The following CLPTM1L variants were observed in gnomAD, a reference collection of about 807,000 sequenced individuals.
CLPTM1L encodes the protein lipid scramblase CLPTM1L.
A neutral mutation model predicts 70.9 loss-of-function variants in CLPTM1L; 38 were observed. The ratio of observed to expected loss-of-function variants is 0.54; its 90% CI spans 0.41 to 0.70. CLPTM1L has a LOEUF of 0.70. Among genes scored for constraint, CLPTM1L ranks in the 30% least tolerant of loss-of-function variants. The pLI is 0.00. For synonymous variants in CLPTM1L, 339 were observed against 299.9 expected (o/e 1.13, Z -1.35); for missense variants, 652 against 705.9 (o/e 0.92, Z 0.87).
intron 15 of CLPTM1L, 23 bp from the exon 16 acceptor site, chr5:1,320,754 G>A (rs750100046): frequency 7.2e-7 from 1 of 1,394,268 alleles, no homozygotes; most frequent in Non-Finnish European, 9.8e-7. Context: ...ACGGGAGGAG[G>A]GTGAACCCCA....
chr5:1,335,363 T>C (rs1294068293), intron 5 of CLPTM1L, among the ~76,000 whole-genome samples, 189 bp from the exon 6 acceptor site: 1 of 152,172 alleles, frequency 6.6e-6, no homozygotes, highest in Non-Finnish European at 1.5e-5. Flanking sequence ...GCGTGCTGCG[T>C]TCCAGCACAG....
chr5:1,320,796 TA>T, intron 15 of CLPTM1L, 65 bp from the exon 16 acceptor site: 1 of 934,348 alleles, frequency 1.1e-6, no homozygotes, highest in South Asian at 1.6e-5. Flanking sequence ...CTGTTTTTGG[TA>T]ACCTAACCAA....
At chr5:1,319,288 G>A (rs1446308778) in intron 16 of CLPTM1L, among the ~76,000 whole-genome samples, 1 of 149,304 alleles carries the variant, frequency 6.7e-6, no homozygotes, top group Non-Finnish European at 1.5e-5. Context: ...TGTTGCTTAT[G>A]GTGAAATAGC....
intron 2 of CLPTM1L, 147 bp downstream of exon 2, chr5:1,344,204 C>T (rs995227241): frequency 3.0e-6 from 2 of 664,062 alleles, no homozygotes; most frequent in East Asian, 5.4e-5. Flanking sequence ...ACGCATAGGC[C>T]TCCAGTTAGG....
At chr5:1,343,449 T>A (rs1579660096) in intron 2 of CLPTM1L, among the ~76,000 whole-genome samples, 1 of 152,218 alleles carries the variant, frequency 6.6e-6, no homozygotes. Flanking sequence ...TCACTAGCTG[T>A]CCTTGGTAAC....
At chr5:1,330,707 T>C (rs1753032961) in intron 8 of CLPTM1L, 2 of 340,616 alleles carry the variant, frequency 5.9e-6, no homozygotes, top group African/African-American at 2.1e-5. Context: ...GCGTGTCTTA[T>C]GCCAGTTCTG....
In CLPTM1L at chr5:1,344,644, C is replaced by G. The variant is rs574258520; in HGVS notation, c.162+36G>C. ...GGGGCCTGGAGGAGAGGCCCCCACC[C>G]CAACCCGCCCGGCCCCCGGCCCCGC... On this transcript the variant is annotated intron_variant, in intron 1 of 16. Coordinates refer to ENST00000320895, the MANE Select transcript of CLPTM1L (RefSeq NM_030782.5). 7 of 1,541,528 alleles carry G rather than the reference C, an allele frequency of 4.5e-6. No homozygotes were observed. The African/African-American group carries it at 9.6e-5, about 21-fold the overall frequency.
rs1754186869 is a variant in CLPTM1L at position 1,344,995 on chromosome 5, CGCA to C, written c.-157_-155del. On this transcript the variant is annotated 5_prime_UTR_variant, in exon 1 of 17. Coordinates refer to ENST00000320895, the MANE Select transcript of CLPTM1L (RefSeq NM_030782.5). Reference sequence around the variant, plus strand: ...GCGGGGGAACGAATGCGCCGCGCGCCGCAGACCGCCGGCCGCCCCGCATGCTCC... The same window carrying C: ...GCGGGGGAACGAATGCGCCGCGCGCCGACCGCCGGCCGCCCCGCATGCTCC... 1 of 267,978 alleles carries C rather than the reference CGCA, an allele frequency of 3.7e-6. No homozygotes were observed. The highest frequency in any genetic ancestry group is 5.7e-6 in the Non-Finnish European group (1 of 175,740). 16.6% of individuals were successfully genotyped at this position (267,978 alleles called of 1,614,324 possible).
At chr5:1,329,034 G>A (rs192880344) in intron 9 of CLPTM1L, among the ~76,000 whole-genome samples, 5 of 150,086 alleles carry the variant, frequency 3.3e-5, no homozygotes, top group South Asian at 4.2e-4. Flanking sequence ...CATGACGGCC[G>A]CAGAGGCCCC....
chr5:1,335,325 CTTCT>C, intron 5 of CLPTM1L, 151 bp from the exon 6 acceptor site: 2 of 681,360 alleles, frequency 2.9e-6, no homozygotes, highest in Non-Finnish European at 5.3e-6. Context: ...CCGGTCCCTC[CTTCT>C]GTCACCACAG....
intron 9 of CLPTM1L, among the ~76,000 whole-genome samples, chr5:1,328,505 AT>A (rs1752803654): frequency 6.8e-6 from 1 of 146,268 alleles, no homozygotes; most frequent in African/African-American, 2.6e-5. Context: ...CTACAGACAC[AT>A]TTCATCCAGC....
At chr5:1,343,264 G>T (rs1186836156) in intron 2 of CLPTM1L, among the ~76,000 whole-genome samples, 4 of 152,158 alleles carry the variant, frequency 2.6e-5, no homozygotes, top group Non-Finnish European at 5.9e-5. Flanking sequence ...CACTACCCAG[G>T]AAAGAGTATG....
chr5:1,325,095 AGT>A, intron 10 of CLPTM1L: 1 of 551,950 alleles, frequency 1.8e-6, no homozygotes, highest in South Asian at 2.2e-5. Flanking sequence ...CCACCGCTTC[AGT>A]GAGAACACTG....
chr5:1,343,059 C>CG (rs1464433492), intron 2 of CLPTM1L, among the ~76,000 whole-genome samples: 2 of 152,160 alleles, frequency 1.3e-5, no homozygotes, highest in African/African-American at 4.8e-5. Flanking sequence ...GGCGTGGTGG[C>CG]GGGTGCCTGT....
At chr5:1,335,300 C>T in intron 5 of CLPTM1L, 126 bp from the exon 6 acceptor site, 1 of 748,220 alleles carries the variant, frequency 1.3e-6, no homozygotes, top group Non-Finnish European at 2.3e-6. Context: ...CATGACTGGG[C>T]CCAGCAAGCA....
chr5:1,323,092 A>C (rs1343775692), intron 12 of CLPTM1L, among the ~76,000 whole-genome samples, 181 bp from the exon 13 acceptor site: 2 of 152,016 alleles, frequency 1.3e-5, no homozygotes, highest in South Asian at 4.2e-4. Flanking sequence ...AGCGCTGAGC[A>C]CCCCCGGCCG....
At chr5:1,327,418 C>G (rs531908142) in intron 9 of CLPTM1L, among the ~76,000 whole-genome samples, 1 of 146,946 alleles carries the variant, frequency 6.8e-6, no homozygotes, top group African/African-American at 2.5e-5. Flanking sequence ...CCAGCTCCTC[C>G]TCTACAGACA....
At chr5:1,329,942 ACT>A (rs1315643672) in intron 9 of CLPTM1L, among the ~76,000 whole-genome samples, 1 of 141,658 alleles carries the variant, frequency 7.1e-6, no homozygotes, top group Non-Finnish European at 1.5e-5. Context: ...GGGCCTCAGG[ACT>A]CTCTGCTTGG....
chr5:1,337,824 T>C (rs1753671962), intron 5 of CLPTM1L, 80 bp downstream of exon 5: 2 of 1,128,748 alleles, frequency 1.8e-6, no homozygotes, highest in Non-Finnish European at 2.6e-6. Flanking sequence ...CCCGGTCCAT[T>C]AGGGTGCAGG....
Sources: allele counts gnomAD v4.1 joint callset (sites outside exome capture counted in the v4.1 genomes callset), GRCh38; gene constraint gnomAD v4.1.1; transcripts MANE v1.5; gene names NCBI Gene and HGNC (gene_info 2026-07-23, HGNC 2026-07-21).